Variants in TBC1D31 observed in about 807,000 individuals in gnomAD.
TBC1D31 encodes the protein WD repeat domain 67.
In TBC1D31, 99 loss-of-function variants were observed where a neutral mutation model predicts 132.9. The observed-to-expected ratio is 0.74, with a 90% confidence interval of 0.63 to 0.88. TBC1D31 has a LOEUF of 0.88. Ranked by LOEUF, TBC1D31 falls within the 40% of genes least tolerant of loss-of-function variation. The probability of loss-of-function intolerance (pLI) is 0.00; values close to 1 mark genes in which losing one functional copy is unlikely to be tolerated. For missense variants in TBC1D31, 1,134 were observed against 1,256.6 expected, an observed-to-expected ratio of 0.90 and a Z score of 1.48; for synonymous variants, 385 against 419.4, an observed-to-expected ratio of 0.92 and a Z score of 1.00.
rs75901317 is a variant in TBC1D31 at position 123,120,058 on chromosome 8, C to T, written c.1440C>T (p.Thr480=). Residue 480 remains threonine, a synonymous_variant, in exon 11 of 22, where the codon ACC becomes ACT. Coordinates refer to ENST00000287380, the MANE Select transcript of TBC1D31 (RefSeq NM_145647.4). ...TGCTAAGTTATTTTATTCACAGAAC[C>T]TTATCTGCATTAGCTCACTGGTCTG... ...SRKLLRVLQR[T]LSALAHWSVI... 1.1e-3 allele frequency: 1,676 copies of T among 1,589,494 alleles called. 19 individuals are homozygous for T. In the East Asian group the frequency reaches 0.019, roughly 18 times the overall value.
intron 7 of TBC1D31, chr8:123,102,299 G>A (rs1410000897): frequency 2.2e-6 from 1 of 456,358 alleles, no homozygotes; most frequent in Non-Finnish European, 4.4e-6. Context: ...GCAGTTCTGG[G>A]TGTTCCAATT....
In TBC1D31 at chr8:123,093,616, C is replaced by T. The variant is rs78218780; in HGVS notation, c.545C>T (p.Thr182Ile). The T allele has an allele frequency of 2.9e-4, 460 of 1,608,720 alleles. 1 individual carries two copies. The African/African-American group carries it at 5.4e-3, about 19-fold the overall frequency. Residue 182 changes from threonine (T) to isoleucine (I), a missense_variant, in exon 5 of 22, where the codon ACC (threonine) becomes ATC (isoleucine). Transcript: ENST00000287380. ...QKVFFLPLSN[T>I]ILSCFKDNSI... ...GTTTTCTTTCTACCATTAAGTAATA[C>T]CATCCTCAGCTGTTTTAAAGATAAT...
intron 20 of TBC1D31, among the ~76,000 whole-genome samples, chr8:123,146,637 T>A (rs1822238266): frequency 6.6e-6 from 1 of 152,246 alleles, no homozygotes; most frequent in African/African-American, 2.4e-5. Context: ...CTTTTACATT[T>A]CACAAATTTG....
chr8:123,154,129 G>T (rs928817317), downstream of TBC1D31, among the ~76,000 whole-genome samples: 1 of 152,338 alleles, frequency 6.6e-6, no homozygotes, highest in South Asian at 2.1e-4. Context: ...GCAGTTGACT[G>T]CAAGGACTGC....
chr8:123,150,351 A>C (rs576433212), intron 21 of TBC1D31, among the ~76,000 whole-genome samples: 4 of 152,356 alleles, frequency 2.6e-5, no homozygotes, highest in Non-Finnish European at 5.9e-5. Flanking sequence ...AATCCACTAA[A>C]GCCACTCCAG....
chr8:123,129,057 C>T lies in TBC1D31; in HGVS notation c.2118-9C>T, dbSNP rs1820369879. 2.0e-6 allele frequency: 3 copies of T among 1,519,016 alleles called. No homozygotes were observed. Among genetic ancestry groups the T allele is most frequent in the South Asian group, 1.3e-5 (1 of 75,926 alleles). 94.1% of individuals were successfully genotyped at this position (1,519,016 alleles called of 1,614,324 possible). ...CTTTGTGTTTTCATAATAATATTAC[C>T]TACTTAAGGCAGACAGTTGAAGATA... On this transcript the variant is annotated splice_polypyrimidine_tract_variant and intron_variant, in intron 14 of 21. Coordinates refer to ENST00000287380, the MANE Select transcript of TBC1D31 (RefSeq NM_145647.4).
intron 19 of TBC1D31, 41 bp downstream of exon 19, chr8:123,142,497 A>ATT (rs35381039): frequency 0.059 from 65,208 of 1,103,644 alleles, 680 homozygotes; most frequent in Admixed American, 0.14. Flanking sequence ...TCAAGCATTG[A>ATT]TTTTTTTTTT....
chr8:123,126,217 C>T (rs747446849), intron 12 of TBC1D31, 28 bp downstream of exon 12: 1 of 1,587,710 alleles, frequency 6.3e-7, no homozygotes, highest in Non-Finnish European at 8.5e-7. Context: ...TTTAGAATAA[C>T]ATGCCTTATT....
chr8:123,077,945 G>A (rs112965163), intron 2 of TBC1D31, among the ~76,000 whole-genome samples: 93 of 152,040 alleles, frequency 6.1e-4, no homozygotes, highest in African/African-American at 2.1e-3. Context: ...CTATTTGGGA[G>A]GCTGAGACAA....
downstream of TBC1D31, among the ~76,000 whole-genome samples, chr8:123,156,509 G>C (rs79593902): frequency 6.6e-6 from 1 of 151,526 alleles, no homozygotes; most frequent in African/African-American, 2.4e-5. Context: ...AGAGTTGAAA[G>C]ATGAAGGGCT....
rs1411758793 is a variant in TBC1D31, at chr8:123,152,003, T to C, written c.*64T>C. 7.6e-7 allele frequency: 1 copy of C among 1,321,766 alleles called. No homozygotes were observed. Among genetic ancestry groups the C allele is most frequent in the African/African-American group, 1.5e-5 (1 of 66,244 alleles). The allele number at this position is 1,321,766 out of a possible 1,614,324, so 81.9% of individuals were successfully genotyped here. A position where few individuals can be genotyped will look rare whatever the true frequency, so the allele number is the denominator to read the frequency against. On this transcript the variant is annotated 3_prime_UTR_variant, in exon 22 of 22. Transcript: ENST00000287380. The stretch of plus-strand genomic sequence containing the variant: ...TTTTGCAATCAGTGACATTGATTTT[T>C]AGATTATTTATTTAAAATTCCTATA...
chr8:123,131,739 T>C (rs1820652764), intron 16 of TBC1D31, among the ~76,000 whole-genome samples: 1 of 149,804 alleles, frequency 6.7e-6, no homozygotes, highest in Non-Finnish European at 1.5e-5. Context: ...GACAAATTGT[T>C]CTCTAAAAAT....
At chr8:123,075,486 G>A (rs571384615) in intron 1 of TBC1D31, among the ~76,000 whole-genome samples, 4 of 152,188 alleles carry the variant, frequency 2.6e-5, no homozygotes, top group South Asian at 2.1e-4. Context: ...GGAGGATCAC[G>A]AGGTCAAAAG....
chr8:123,126,700 G>A lies in TBC1D31; in HGVS notation c.1884+13G>A. 6.3e-7 allele frequency: 1 copy of A among 1,578,752 alleles called. No homozygotes were observed. Among genetic ancestry groups the A allele is most frequent in the Admixed American group, 1.9e-5 (1 of 52,906 alleles). ...AGATGACTTTGAGGTAACGGTCCTT[G>A]TTCTTAAGAGAAGGTTCTCAAATAT... On this transcript the variant is annotated intron_variant, in intron 13 of 21. Coordinates refer to ENST00000287380, the MANE Select transcript of TBC1D31 (RefSeq NM_145647.4).
the TBC1D31 span, among the ~76,000 whole-genome samples, chr8:123,162,255 C>CA: frequency 6.6e-6 from 1 of 151,868 alleles, no homozygotes; most frequent in African/African-American, 2.4e-5. Context: ...CTCTGAGCAA[C>CA]AAAAAATAGA....
intron 3 of TBC1D31, 165 bp downstream of exon 3, chr8:123,082,982 C>G: frequency 1.8e-6 from 1 of 566,950 alleles, no homozygotes; most frequent in East Asian, 2.9e-5. Flanking sequence ...CACTTTAGAT[C>G]AGTTGACTAC....
intron 16 of TBC1D31, 152 bp downstream of exon 16, chr8:123,130,485 C>T (rs1405078282): frequency 4.3e-6 from 3 of 693,120 alleles, no homozygotes; most frequent in Non-Finnish European, 6.3e-6. Context: ...TCAGCTTTCT[C>T]ATTCTCTTTT....
intron 4 of TBC1D31, among the ~76,000 whole-genome samples, chr8:123,090,657 G>A (rs886339365): frequency 6.6e-6 from 1 of 152,152 alleles, no homozygotes; most frequent in Non-Finnish European, 1.5e-5. Flanking sequence ...AAAGGGCTGG[G>A]CACTGTGGCT....
At chr8:123,105,806 T>C (rs535611779) in intron 8 of TBC1D31, among the ~76,000 whole-genome samples, 151 of 152,292 alleles carry the variant, frequency 9.9e-4, no homozygotes, top group African/African-American at 3.4e-3. Context: ...CACACACATA[T>C]ACAAAGTACA....
Sources: allele counts gnomAD v4.1 joint callset (sites outside exome capture counted in the v4.1 genomes callset), GRCh38; gene constraint gnomAD v4.1.1; transcripts MANE v1.5; gene names NCBI Gene and HGNC (gene_info 2026-07-23, HGNC 2026-07-21).